AFF3: variants seen among roughly 807,000 people sequenced by gnomAD.
The protein encoded by AFF3 is AF4/FMR2 family member 3.
Under a neutral mutation model 129.7 loss-of-function variants are expected in AFF3, and 32 were observed. That is an observed-to-expected ratio of 0.25 (90% CI 0.19 to 0.33). The LOEUF is 0.33. Among genes scored for constraint, AFF3 ranks in the 10% least tolerant of loss-of-function variants. The pLI, the probability that AFF3 is intolerant of heterozygous loss-of-function variation, is 1.00. For synonymous variants in AFF3, 644 were observed against 635.4 expected (o/e 1.01, Z -0.20); for missense variants, 1,373 against 1,592.0 (o/e 0.86, Z 2.34).
At chr2:100,047,021 G>A (rs1685893431) in intron 4 of AFF3, among the ~76,000 whole-genome samples, 1 of 151,248 alleles carries the variant, frequency 6.6e-6, no homozygotes, top group African/African-American at 2.4e-5. Flanking sequence ...TAAAAATACA[G>A]ATCTACACTT....
At chr2:99,921,739 T>C (rs547312572) in intron 7 of AFF3, among the ~76,000 whole-genome samples, 2 of 152,216 alleles carry the variant, frequency 1.3e-5, no homozygotes, top group South Asian at 4.1e-4. Context: ...AAAATATCTG[T>C]TCATCAAAGA....
At chr2:100,071,677 T>C (rs568662466) in intron 4 of AFF3, among the ~76,000 whole-genome samples, 21 of 152,218 alleles carry the variant, frequency 1.4e-4, no homozygotes, top group East Asian at 9.7e-4. Flanking sequence ...GGCATGGCGA[T>C]TGGTGGGAGC....
intron 13 of AFF3, among the ~76,000 whole-genome samples, chr2:99,610,808 C>T (rs1406305667): frequency 1.3e-5 from 2 of 152,134 alleles, no homozygotes; most frequent in Non-Finnish European, 2.9e-5. Context: ...CTTCTTGAGT[C>T]TGTAGGTTTA....
At chr2:99,643,285 C>T (rs751114238) in intron 13 of AFF3, among the ~76,000 whole-genome samples, 21 of 151,972 alleles carry the variant, frequency 1.4e-4, no homozygotes, top group Non-Finnish European at 2.4e-4. Flanking sequence ...GTCTTGAACT[C>T]CTGACCTTGT....
intron 12 of AFF3, among the ~76,000 whole-genome samples, chr2:99,650,977 C>T (rs1575599930): frequency 1.3e-5 from 2 of 152,064 alleles, no homozygotes; most frequent in Admixed American, 1.3e-4. Flanking sequence ...AGTTCGAGAC[C>T]AGCCTGACCA....
intron 7 of AFF3, among the ~76,000 whole-genome samples, chr2:99,852,297 GA>G (rs1245048628): frequency 7.2e-5 from 11 of 151,742 alleles, no homozygotes; most frequent in South Asian, 2.1e-4. Context: ...CCAAAGAAGA[GA>G]AAAAAACCTC....
chr2:100,050,748 C>T (rs974220600), intron 4 of AFF3, among the ~76,000 whole-genome samples: 1 of 152,214 alleles, frequency 6.6e-6, no homozygotes, highest in East Asian at 1.9e-4. Flanking sequence ...TCATTACCCC[C>T]TCATCTCCCA....
At chr2:99,837,582 G>T in intron 7 of AFF3, 58 bp from the exon 8 acceptor site, 1 of 1,521,810 alleles carries the variant, frequency 6.6e-7, no homozygotes, top group Non-Finnish European at 9.0e-7. Flanking sequence ...CCACACAGAA[G>T]ACATGCAAGG....
chr2:99,553,917 CCAAAAA>C (rs1674653966), intron 24 of AFF3, among the ~76,000 whole-genome samples: 1 of 72,454 alleles, frequency 1.4e-5, no homozygotes. Flanking sequence ...CTGTCTCAAA[CCAAAAA>C]AAAAAAAAAA....
At chr2:100,112,804 G>A (rs187759751) in intron 2 of AFF3, among the ~76,000 whole-genome samples, 8 of 143,278 alleles carry the variant, frequency 5.6e-5, no homozygotes, top group Middle Eastern at 6.9e-3. Context: ...CTACAGGCCC[G>A]AGGGCCTGCC....
chr2:99,865,099 T>C (rs1303948267), intron 7 of AFF3, among the ~76,000 whole-genome samples: 1 of 152,130 alleles, frequency 6.6e-6, no homozygotes, highest in African/African-American at 2.4e-5. Context: ...TGAGAACATG[T>C]GGTGGTTGGA....
intron 11 of AFF3, among the ~76,000 whole-genome samples, chr2:99,699,503 A>G (rs1384598618): frequency 6.6e-6 from 1 of 152,206 alleles, no homozygotes; most frequent in Non-Finnish European, 1.5e-5. Flanking sequence ...AGTTAATGAT[A>G]TCTTCCTAAA....
At chr2:100,052,963 G>A (rs529371362) in intron 4 of AFF3, among the ~76,000 whole-genome samples, 2 of 152,316 alleles carry the variant, frequency 1.3e-5, no homozygotes, top group South Asian at 4.1e-4. Flanking sequence ...ACTTCCCCAA[G>A]AGCAGGGCTT....
chr2:99,752,255 T>C lies in AFF3; in HGVS notation c.968A>G (p.Lys323Arg). The part of the protein sequence containing the change: ...PPLSAIQAPG[K>R]VEPTKFPFPN... The stretch of plus-strand genomic sequence containing the variant: ...AAATGGAAATTTGGTTGGTTCCACT[T>C]TGCCAGGTGCTTGAATAGCAGAAAG... Residue 323 changes from lysine (K) to arginine (R), a missense_variant, in exon 9 of 25, where the codon AAA (lysine) becomes AGA (arginine). Physicochemically the swap from Lys to Arg is conservative, Grantham distance 26. Coordinates refer to ENST00000672756, the MANE Select transcript of AFF3 (RefSeq NM_001386135.1). 1 of 1,614,068 alleles carries C rather than the reference T, an allele frequency of 6.2e-7. No individual in the cohort carries two copies. Among genetic ancestry groups the C allele is most frequent in the Non-Finnish European group, 8.5e-7 (1 of 1,179,948 alleles).
At chr2:99,654,545 A>G (rs1685573482) in intron 12 of AFF3, among the ~76,000 whole-genome samples, 1 of 152,226 alleles carries the variant, frequency 6.6e-6, no homozygotes, top group African/African-American at 2.4e-5. Context: ...AACTAGATGA[A>G]TTGCCCAATT....
intron 8 of AFF3, among the ~76,000 whole-genome samples, chr2:99,823,307 G>A (rs1250262469): frequency 7.3e-6 from 1 of 137,796 alleles, no homozygotes; most frequent in African/African-American, 2.7e-5. Flanking sequence ...TCAAAAACAT[G>A]TTCAAAGAAC....
At position 99,594,236 on chromosome 2, in the gene AFF3, A is replaced by G; in HGVS notation, c.1425T>C (p.Val475=). 6.2e-7 allele frequency: 1 copy of G among 1,613,290 alleles called. No individual in the cohort carries two copies. Among genetic ancestry groups the G allele is most frequent in the Non-Finnish European group, 8.5e-7 (1 of 1,179,514 alleles). The change falls in exon 15 of 25, where the codon GTT becomes GTC. Residue 475 remains valine (V), a synonymous_variant. Coordinates refer to ENST00000672756, the MANE Select transcript of AFF3 (RefSeq NM_001386135.1). ...KWQLDKWLNK[V]NPHKPPILIQ... is the part of the protein sequence containing the mutation. ...TCAGAATAGGAGGCTTGTGGGGATT[A>G]ACTTTGTTTAGCCATTTATCCAGCT...
At chr2:99,907,838 A>C (rs1043264357) in intron 7 of AFF3, among the ~76,000 whole-genome samples, 2 of 152,286 alleles carry the variant, frequency 1.3e-5, no homozygotes, top group Non-Finnish European at 1.5e-5. Flanking sequence ...TTTACTAACC[A>C]CATTCATTCT....
chr2:99,652,696 G>A (rs149670260), intron 12 of AFF3, among the ~76,000 whole-genome samples: 1 of 152,158 alleles, frequency 6.6e-6, no homozygotes, highest in Non-Finnish European at 1.5e-5. Flanking sequence ...TTCAACCTCC[G>A]GCTTAGTTTC....
Sources: gnomAD v4.1 joint callset for allele counts (sites outside exome capture counted in the v4.1 genomes callset) on GRCh38, gnomAD v4.1.1 for gene constraint, MANE v1.5 for transcripts, NCBI Gene and HGNC (gene_info 2026-07-23, HGNC 2026-07-21) for gene names.